The following FGFR2 variants were observed in gnomAD, a reference collection of about 807,000 sequenced individuals.
FGFR2 encodes BEK fibroblast growth factor receptor.
In FGFR2, 19 loss-of-function variants were observed where a neutral mutation model predicts 95.9. The observed-to-expected ratio is 0.20, with a 90% CI of 0.14 to 0.29. FGFR2 has a LOEUF of 0.29. Among genes scored for constraint, FGFR2 ranks in the 10% least tolerant of loss-of-function variants. The pLI, the probability that FGFR2 is intolerant of heterozygous loss-of-function variation, is 1.00. For synonymous variants in FGFR2, 392 were observed against 393.3 expected (o/e 1.00, Z 0.04); for missense variants, 707 against 1,056.9 (o/e 0.67, Z 4.59).
chr10:121,560,420 C>G (rs1398137638), intron 4 of FGFR2, among the ~76,000 whole-genome samples: 2 of 151,970 alleles, frequency 1.3e-5, no homozygotes, highest in African/African-American at 4.8e-5. Flanking sequence ...CGAGACCATT[C>G]TGGCTAACAT....
intron 13 of FGFR2, 50 bp from the exon 14 acceptor site, chr10:121,488,163 A>G (rs149306711): frequency 1.2e-6 from 2 of 1,607,936 alleles, no homozygotes; most frequent in East Asian, 2.2e-5. Flanking sequence ...AAACACCGCC[A>G]GAACAAAAAG....
intron 4 of FGFR2, among the ~76,000 whole-genome samples, chr10:121,555,445 T>C (rs1041718945): frequency 1.4e-5 from 2 of 146,026 alleles, no homozygotes; most frequent in Admixed American, 1.3e-4. Flanking sequence ...CCCTGAACTT[T>C]ATATACCTTA....
At chr10:121,507,574 C>G (rs751748523) in intron 9 of FGFR2, among the ~76,000 whole-genome samples, 1 of 151,874 alleles carries the variant, frequency 6.6e-6, no homozygotes, top group Non-Finnish European at 1.5e-5. Context: ...GGCGACAGAG[C>G]AAGACTCCAT....
intron 17 of FGFR2, among the ~76,000 whole-genome samples, chr10:121,482,953 C>T (rs1454103215): frequency 6.6e-6 from 1 of 152,154 alleles, no homozygotes; most frequent in African/African-American, 2.4e-5. Context: ...CATACCACCA[C>T]ATCCAACTAA....
intron 6 of FGFR2, among the ~76,000 whole-genome samples, chr10:121,521,711 G>A (rs1003767085): frequency 6.6e-6 from 1 of 151,242 alleles, no homozygotes; most frequent in African/African-American, 2.4e-5. Context: ...GCGCACTGTT[G>A]GTGGGAATAT....
intron 11 of FGFR2, among the ~76,000 whole-genome samples, chr10:121,499,438 A>G (rs1404874812): frequency 6.6e-6 from 1 of 152,210 alleles, no homozygotes; most frequent in Non-Finnish European, 1.5e-5. Context: ...TGTGTGTGCA[A>G]AATTTACACT....
rs200615849 is a variant in FGFR2 at position 121,517,312 on chromosome 10, T to C, written c.1084+7A>G. On this transcript the variant is annotated splice_region_variant and intron_variant, in intron 8 of 17. Coordinates refer to ENST00000358487, the MANE Select transcript of FGFR2 (RefSeq NM_000141.5). The surrounding 1 kb of genome is among the most constrained non-coding windows in gnomAD (Gnocchi z 4.7). ...AAAAAAACCCAGAGAGAAAGAACAG[T>C]ATATACCTGGCAGAACTGTCAACCA... is the stretch of plus-strand genomic sequence containing the variant. 3 of 1,614,026 alleles carry C rather than the reference T, an allele frequency of 1.9e-6. No homozygotes were observed. Among genetic ancestry groups the C allele is most frequent in the Admixed American group, 1.7e-5 (1 of 60,022 alleles).
chr10:121,587,710 C>G (rs1470305208), intron 2 of FGFR2, among the ~76,000 whole-genome samples: 2 of 152,082 alleles, frequency 1.3e-5, no homozygotes, highest in South Asian at 2.1e-4. Flanking sequence ...TCACACAAGT[C>G]AGAATGGCTA....
intron 6 of FGFR2, among the ~76,000 whole-genome samples, chr10:121,525,808 C>G (rs371104726): frequency 6.6e-6 from 1 of 152,222 alleles, no homozygotes; most frequent in East Asian, 1.9e-4. Flanking sequence ...TCCACCGAGC[C>G]GAGAGGCCTC....
chr10:121,563,960 C>T (rs1325953823), intron 4 of FGFR2, among the ~76,000 whole-genome samples: 2 of 152,206 alleles, frequency 1.3e-5, no homozygotes, highest in African/African-American at 4.8e-5. Context: ...GGGTTTCTCA[C>T]CCTAGGGATG....
At position 121,487,430 on chromosome 10, in the gene FGFR2, A is replaced by T. The variant is rs1462354913; in HGVS notation, c.1987-6T>A. 1 of 1,613,324 alleles carries T rather than the reference A, an allele frequency of 6.2e-7. No individual in the cohort carries two copies. The highest frequency in any genetic ancestry group is 8.5e-7 in the Non-Finnish European group (1 of 1,179,496). ...CACTTGACTGGAAGCCGCCCCTGCA[A>T]ATGTAGAGGAAAATGCAAAAACTAA... On this transcript the variant is annotated splice_region_variant and splice_polypyrimidine_tract_variant and intron_variant, in intron 14 of 17. Coordinates refer to ENST00000358487, the MANE Select transcript of FGFR2 (RefSeq NM_000141.5).
intron 2 of FGFR2, chr10:121,583,274 T>C (rs1861238505): frequency 6.6e-6 from 1 of 152,246 alleles, no homozygotes. Context: ...TCATACCCAG[T>C]CGTAAATCAG....
intron 2 of FGFR2, among the ~76,000 whole-genome samples, chr10:121,581,127 T>TGG (rs1860795448): frequency 6.6e-6 from 1 of 152,116 alleles, no homozygotes; most frequent in Non-Finnish European, 1.5e-5. Context: ...AATGACCCAC[T>TGG]CAAATACGGC....
chr10:121,507,165 C>T (rs1042105998), intron 9 of FGFR2, among the ~76,000 whole-genome samples: 3 of 152,214 alleles, frequency 2.0e-5, no homozygotes, highest in African/African-American at 7.2e-5. Context: ...TGCATCCTGA[C>T]CAACTGCAAT....
Position 121,515,319 on chromosome 10 carries a change from G to A in FGFR2, c.1085C>T (p.Ala362Val), listed in dbSNP as rs757846343. Reference protein sequence around the residue: ...FHSAWLTVLPAPGREKEITAS... With the variant: ...FHSAWLTVLPVPGREKEITAS... ...TGTAATCTCCTTTTCTCTTCCAGGC[G>A]CTAGATTGCAGATCACAGGAGGAGG... is the stretch of plus-strand genomic sequence containing the variant. Residue 362 changes from alanine (A) to valine (V), a missense_variant and splice_region_variant, in exon 9 of 18, where the codon GCG (alanine) becomes GTG (valine). Physicochemically the swap from Ala to Val is moderately conservative, Grantham distance 64. Around this residue, in one of 7 missense-constraint regions of FGFR2, gnomAD observed 194 missense variants for 267.3 expected, o/e 0.73. Coordinates refer to ENST00000358487, the MANE Select transcript of FGFR2 (RefSeq NM_000141.5). 1.8e-5 allele frequency: 29 copies of A among 1,613,956 alleles called. No homozygotes were observed. Among genetic ancestry groups the A allele is most frequent in the East Asian group, 8.9e-5 (4 of 44,858 alleles).
chr10:121,498,434 C>T (rs1311534753), intron 12 of FGFR2, 61 bp downstream of exon 12: 1 of 1,138,972 alleles, frequency 8.8e-7, no homozygotes, highest in Non-Finnish European at 1.3e-6. Flanking sequence ...CCAGCCATTT[C>T]TAAAATGATT....
At chr10:121,552,331 C>T (rs938928144) in intron 4 of FGFR2, among the ~76,000 whole-genome samples, 4 of 152,180 alleles carry the variant, frequency 2.6e-5, no homozygotes, top group South Asian at 2.1e-4. Flanking sequence ...CTAATAATGG[C>T]GAATGACTAC....
intron 2 of FGFR2, among the ~76,000 whole-genome samples, chr10:121,586,030 AC>A (rs1337160417): frequency 1.3e-5 from 2 of 151,884 alleles, no homozygotes; most frequent in Non-Finnish European, 1.5e-5. Context: ...TTTATAGTAC[AC>A]CCCCCTGAGC....
chr10:121,591,006 C>T (rs1862560645), intron 2 of FGFR2, among the ~76,000 whole-genome samples: 2 of 143,852 alleles, frequency 1.4e-5, no homozygotes, highest in African/African-American at 5.1e-5. Context: ...CACACACACA[C>T]GCACACTCTC....
Sources: gnomAD v4.1 joint callset for allele counts (sites outside exome capture counted in the v4.1 genomes callset) on GRCh38, gnomAD v4.1.1 for gene constraint, gnomAD v4.1.1 regional missense constraint, Gnocchi (gnomAD v3.1) non-coding constraint, MANE v1.5 for transcripts, NCBI Gene and HGNC (gene_info 2026-07-23, HGNC 2026-07-21) for gene names.